PIK3CA: variants seen among roughly 807,000 people sequenced by gnomAD.
PIK3CA encodes phosphatidylinositol 4,5-bisphosphate 3-kinase catalytic subunit alpha isoform.
In PIK3CA, 27 loss-of-function variants were observed where a neutral mutation model predicts 138.2. The observed-to-expected ratio is 0.20, with a 90% CI of 0.14 to 0.27. The LOEUF (loss-of-function observed/expected upper bound fraction) is 0.27. Among genes scored for constraint, PIK3CA ranks in the 10% least tolerant of loss-of-function variants. The probability of loss-of-function intolerance (pLI) is 1.00; values close to 1 mark genes in which losing one functional copy is unlikely to be tolerated. For missense variants in PIK3CA, 544 were observed against 1,277.4 expected, an observed-to-expected ratio of 0.43 and a Z score of 8.75; for synonymous variants, 358 against 413.2, an observed-to-expected ratio of 0.87 and a Z score of 1.62.
At chr3:179,169,602 C>G (rs963342559) in intron 1 of PIK3CA, among the ~76,000 whole-genome samples, 2 of 152,092 alleles carry the variant, frequency 1.3e-5, no homozygotes, top group African/African-American at 4.8e-5. Context: ...GGGTTTTTCC[C>G]TATACAAAAT....
chr3:179,166,459 T>C (rs1723422174), intron 1 of PIK3CA, among the ~76,000 whole-genome samples: 1 of 152,234 alleles, frequency 6.6e-6, no homozygotes, highest in South Asian at 2.1e-4. Context: ...TTACATCATA[T>C]TCACACTTTA....
At chr3:179,221,482 C>G (rs1724965601) in intron 14 of PIK3CA, among the ~76,000 whole-genome samples, 1 of 152,070 alleles carries the variant, frequency 6.6e-6, no homozygotes, top group South Asian at 2.1e-4. Context: ...CTTTCCCTTC[C>G]TTTCTCTTAT....
At chr3:179,217,136 G>T (rs2108406896) in intron 9 of PIK3CA, among the ~76,000 whole-genome samples, 1 of 152,212 alleles carries the variant, frequency 6.6e-6, no homozygotes, top group South Asian at 2.1e-4. Context: ...GTTATTTCCG[G>T]GGTGGGAGGA....
chr3:179,233,930 G>A (rs1428528458), intron 20 of PIK3CA, among the ~76,000 whole-genome samples, 164 bp from the exon 21 acceptor site: 1 of 152,162 alleles, frequency 6.6e-6, no homozygotes, highest in Admixed American at 6.6e-5. Flanking sequence ...TTCTAGTGGG[G>A]TAAAGGGAAT....
chr3:179,182,674 A>G (rs1424895117), intron 1 of PIK3CA, among the ~76,000 whole-genome samples: 1 of 152,144 alleles, frequency 6.6e-6, no homozygotes, highest in Admixed American at 6.6e-5. Context: ...CTGTCTCAAA[A>G]AAAAAGGGTA....
intron 6 of PIK3CA, among the ~76,000 whole-genome samples, chr3:179,209,118 A>G (rs1390005103): frequency 3.3e-5 from 5 of 151,220 alleles, no homozygotes; most frequent in Non-Finnish European, 7.4e-5. Flanking sequence ...ATAATTGTAT[A>G]GTTCAGTCAC....
intron 1 of PIK3CA, among the ~76,000 whole-genome samples, chr3:179,164,818 A>G (rs1723374713): frequency 6.6e-6 from 1 of 152,060 alleles, no homozygotes; most frequent in Non-Finnish European, 1.5e-5. Context: ...GCAGTGAGCC[A>G]AGATTGCGCC....
chr3:179,199,633 C>T (rs1724357603), intron 2 of PIK3CA, 57 bp from the exon 3 acceptor site: 1 of 1,237,076 alleles, frequency 8.1e-7, no homozygotes, highest in Admixed American at 2.0e-5. Flanking sequence ...GCAAAAAAAA[C>T]ATGTTCATGC....
rs1208864012 is a variant in PIK3CA, at chr3:179,220,065, A to G, written c.2015+13A>G. 2.0e-6 allele frequency: 3 copies of G among 1,537,692 alleles called. No homozygotes were observed. In the South Asian group the frequency reaches 3.7e-5, roughly 19 times the overall value. ...TTTGGCATTTAAAGTAAGTCTAATT[A>G]TTTTCCCATTAAATTCTTAAGGTAC... On this transcript the variant is annotated intron_variant, in intron 13 of 20. Coordinates refer to ENST00000263967, the MANE Select transcript of PIK3CA (RefSeq NM_006218.4). This position sits in a 1 kb window ranked among gnomAD's most constrained non-coding sequence, Gnocchi z 4.1.
chr3:179,205,626 G>A (rs1724540010), intron 6 of PIK3CA, among the ~76,000 whole-genome samples: 1 of 152,306 alleles, frequency 6.6e-6, no homozygotes, highest in Non-Finnish European at 1.5e-5. Flanking sequence ...GTTAGTGGGA[G>A]AGGGAGTTAT....
At chr3:179,187,731 G>A (rs7650809) in intron 1 of PIK3CA, among the ~76,000 whole-genome samples, 37,792 of 150,428 alleles carry the variant, frequency 0.25, 5,725 homozygotes, top group African/African-American at 0.42. Context: ...TCCACCTCCC[G>A]GGTTCAAGCT....
intron 1 of PIK3CA, among the ~76,000 whole-genome samples, chr3:179,188,446 C>T (rs28377662): frequency 0.025 from 3,746 of 152,236 alleles, 159 homozygotes; most frequent in African/African-American, 0.086. Context: ...AAAACAAAGG[C>T]AAATGTTAGT....
intron 15 of PIK3CA, 137 bp from the exon 16 acceptor site, chr3:179,224,563 A>T (rs1725040634): frequency 1.9e-6 from 1 of 517,994 alleles, no homozygotes; most frequent in Non-Finnish European, 3.2e-6. Context: ...ATGGATTCCT[A>T]AATAAAAATT....
rs755641133 is a variant in PIK3CA, at chr3:179,204,551, A to C, written c.1108A>C (p.Asn370His). The change falls in exon 6 of 21, where the codon AAT becomes CAT. Residue 370 changes from asparagine (N) to histidine (H), a missense_variant. Physicochemically the swap from Asn to His is moderately conservative, Grantham distance 68 (BLOSUM62 1). This residue lies in a region of PIK3CA where 234 missense variants were observed against 401.3 expected (regional missense o/e 0.58). Transcript: ENST00000263967. ...CCATGGAGGAGAACCCTTATGTGAC[A>C]ATGTGAACACTCAAAGAGTACCTTG... Reference protein sequence around the residue: ...IYHGGEPLCDNVNTQRVPCSN... With the variant: ...IYHGGEPLCDHVNTQRVPCSN... The C allele has an allele frequency of 6.3e-7, 1 of 1,590,708 alleles. No individual in the cohort carries two copies. Among genetic ancestry groups the C allele is most frequent in the Non-Finnish European group, 8.6e-7 (1 of 1,158,938 alleles).
chr3:179,176,839 G>T (rs1012893199), intron 1 of PIK3CA, among the ~76,000 whole-genome samples: 3 of 152,184 alleles, frequency 2.0e-5, no homozygotes, highest in Non-Finnish European at 4.4e-5. Context: ...GTTCCCAGTA[G>T]TGGGGTTGCC....
chr3:179,215,739 A>G (rs1406121292), intron 9 of PIK3CA, among the ~76,000 whole-genome samples: 1 of 152,116 alleles, frequency 6.6e-6, no homozygotes, highest in Non-Finnish European at 1.5e-5. Context: ...CTTTCATTGG[A>G]CACTTGAGAA....
At chr3:179,163,447 G>A (rs1396807503) in intron 1 of PIK3CA, among the ~76,000 whole-genome samples, 1 of 151,884 alleles carries the variant, frequency 6.6e-6, no homozygotes, top group African/African-American at 2.4e-5. Flanking sequence ...CTTGACCCCC[G>A]GAGTTTAAAT....
At position 179,234,543 on chromosome 3, in the gene PIK3CA, G is replaced by GATAGCA. The variant is rs1342280708; in HGVS notation, c.*180_*185dup. 1.1e-5 allele frequency: 5 copies of GATAGCA among 444,420 alleles called. No individual in the cohort carries two copies. Among genetic ancestry groups the GATAGCA allele is most frequent in the African/African-American group, 1.0e-4 (5 of 49,954 alleles). 27.5% of individuals were successfully genotyped at this position (444,420 alleles called of 1,614,324 possible). A position where few individuals can be genotyped will look rare whatever the true frequency, so the allele number is the denominator to read the frequency against. On this transcript the variant is annotated 3_prime_UTR_variant, in exon 21 of 21. Transcript: ENST00000263967. This position sits in a 1 kb window ranked among gnomAD's most constrained non-coding sequence, Gnocchi z 5.1. ...AATAATGTAAACGCAAACAGGGTTT[G>GATAGCA]ATAGCACTTAAACTAGTTCATTTCA...
intron 1 of PIK3CA, among the ~76,000 whole-genome samples, chr3:179,152,326 CCT>C (rs1355026529): frequency 5.3e-5 from 8 of 152,118 alleles, no homozygotes; most frequent in Non-Finnish European, 7.4e-5. Context: ...AATTCTTACC[CCT>C]GTTTCACCAC....
Sources: gnomAD v4.1 joint callset for allele counts (sites outside exome capture counted in the v4.1 genomes callset) on GRCh38, gnomAD v4.1.1 for gene constraint, gnomAD v4.1.1 regional missense constraint, Gnocchi (gnomAD v3.1) non-coding constraint, MANE v1.5 for transcripts, NCBI Gene and HGNC (gene_info 2026-07-23, HGNC 2026-07-21) for gene names.